ARID3C: variants seen among roughly 807,000 people sequenced by gnomAD.
The protein encoded by ARID3C is AT-rich interactive domain-containing protein 3C.
A neutral mutation model predicts 37.9 loss-of-function variants in ARID3C; 42 were observed. That is an observed-to-expected ratio of 1.11 (90% confidence interval 0.87 to 1.43). ARID3C has a LOEUF of 1.43. ARID3C is among the 40% of genes most tolerant of loss of function. The pLI is 0.00. For synonymous variants in ARID3C, 213 were observed against 228.0 expected, an observed-to-expected ratio of 0.93 and a Z score of 0.59; for missense variants, 581 against 548.8, an observed-to-expected ratio of 1.06 and a Z score of -0.59.
chr9:34,627,685 C>A lies in ARID3C; in HGVS notation c.318+12G>T. ...AGGGAAGAGGGCCGGACATTGAGGG[C>A]ATAGGTCCTACCTGCTTGAATTGTT... On this transcript the variant is annotated intron_variant, in intron 1 of 6. Transcript: ENST00000378909. 1 of 1,588,254 alleles carries A rather than the reference C, an allele frequency of 6.3e-7. No homozygotes were observed. The highest frequency in any genetic ancestry group is 8.6e-7 in the Non-Finnish European group (1 of 1,165,986).
exon 3 of ARID3C, chr9:34,623,908 G>A: frequency 6.2e-7 from 1 of 1,601,560 alleles, no homozygotes. Flanking sequence ...TGGTGGGTAG[G>A]CTGAGGCCGC....
At position 34,623,415 on chromosome 9, in the gene ARID3C, C is replaced by T; in HGVS notation, c.865+10G>A. 6.7e-7 allele frequency: 1 copy of T among 1,493,280 alleles called. No homozygotes were observed. The highest frequency in any genetic ancestry group is 8.9e-7 in the Non-Finnish European group (1 of 1,122,752). The allele number at this position is 1,493,280 out of a possible 1,614,324, so 92.5% of individuals were successfully genotyped here. On this transcript the variant is annotated intron_variant, in intron 4 of 6. Coordinates refer to ENST00000378909, the Ensembl canonical transcript of ARID3C. ...GAGACCCCGAAACCTCTACCATTCT[C>T]CCCTCGCACCTTTCTTAATAGGGCT...
chr9:34,621,146 C>T (rs1239854406), downstream of ARID3C, among the ~76,000 whole-genome samples: 1 of 152,154 alleles, frequency 6.6e-6, no homozygotes, highest in Admixed American at 6.5e-5. Context: ...TGAAGAGAAG[C>T]AGGGCTGACT....
At chr9:34,628,977 TC>T (rs577787601), upstream of ARID3C, among the ~76,000 whole-genome samples, 126 of 152,038 alleles carry the variant, frequency 8.3e-4, no homozygotes, top group African/African-American at 2.9e-3. The surrounding 1 kb of genome is among the most constrained non-coding windows in gnomAD (Gnocchi z 5.2). Context: ...TCCGCCCGCC[TC>T]CCAGGCGGCC....
upstream of ARID3C, chr9:34,628,099 G>A: frequency 1.4e-5 from 20 of 1,431,698 alleles, no homozygotes; most frequent in Non-Finnish European, 1.8e-5. This position sits in a 1 kb window ranked among gnomAD's most constrained non-coding sequence, Gnocchi z 5.2. Flanking sequence ...GTGGGGGAGG[G>A]AATTATGGGT....
intron 2 of ARID3C, among the ~76,000 whole-genome samples, chr9:34,624,869 T>TCACAC (rs1176905546): frequency 6.6e-6 from 1 of 152,080 alleles, no homozygotes; most frequent in African/African-American, 2.4e-5. Context: ...TGGGATCGGT[T>TCACAC]CACACCCGCT....
chr9:34,627,608 G>C lies in ARID3C; in HGVS notation c.318+89C>G, dbSNP rs535198716. ...CTTTTCATCTTGCAGAGGGTGGTGGGGGTGGGTGGGCTGCTAATCACCTGG... is the reference window on the plus strand; with the variant it reads ...CTTTTCATCTTGCAGAGGGTGGTGGCGGTGGGTGGGCTGCTAATCACCTGG... On this transcript the variant is annotated intron_variant, in intron 1 of 6. Coordinates refer to ENST00000378909, the Ensembl canonical transcript of ARID3C. The C allele has an allele frequency of 1.1e-4, 126 of 1,199,862 alleles. No homozygotes were observed. In the Admixed American group the frequency reaches 1.4e-3, roughly 13 times the overall value. The allele number at this position is 1,199,862 out of a possible 1,614,324, so 74.3% of individuals were successfully genotyped here.
upstream of ARID3C, chr9:34,628,128 C>A (rs1057207269): frequency 2.2e-6 from 3 of 1,362,626 alleles, no homozygotes; most frequent in Admixed American, 5.8e-5. This position sits in a 1 kb window ranked among gnomAD's most constrained non-coding sequence, Gnocchi z 5.2. Context: ...CTACTGCCCC[C>A]AGAGCCCCCC....
At chr9:34,626,144 T>C (rs1406783186) in intron 1 of ARID3C, among the ~76,000 whole-genome samples, 1 of 152,168 alleles carries the variant, frequency 6.6e-6, no homozygotes, top group African/African-American at 2.4e-5. Context: ...ATGGGAAATT[T>C]AGAGCCCCAG....
intron 4 of ARID3C, 100 bp from the exon 6 acceptor site, chr9:34,622,629 T>C: frequency 1.7e-6 from 2 of 1,200,108 alleles, no homozygotes; most frequent in Non-Finnish European, 2.3e-6. Context: ...CAAGCTCATG[T>C]ACCAATCTCT....
At chr9:34,627,359 C>T (rs542097188) in intron 1 of ARID3C, among the ~76,000 whole-genome samples, 1 of 152,268 alleles carries the variant, frequency 6.6e-6, no homozygotes, top group African/African-American at 2.4e-5. Flanking sequence ...TTCCCTACAC[C>T]TGGCTGGGCA....
chr9:34,629,787 C>T (rs565564503), upstream of ARID3C, among the ~76,000 whole-genome samples: 5 of 152,062 alleles, frequency 3.3e-5, no homozygotes, highest in African/African-American at 9.6e-5. Flanking sequence ...GACAGAGTCT[C>T]TGTCACCCAG....
At chr9:34,627,866 G>T (rs765824707) in exon 1 of ARID3C, 1 of 1,585,842 alleles carries the variant, frequency 6.3e-7, no homozygotes, top group South Asian at 1.1e-5. Context: ...CTCTTCCTCA[G>T]CCCCAACATT....
At chr9:34,628,119 T>G, upstream of ARID3C, 5 of 1,391,740 alleles carry the variant, frequency 3.6e-6, no homozygotes, top group Non-Finnish European at 4.7e-6. The surrounding 1 kb of genome is among the most constrained non-coding windows in gnomAD (Gnocchi z 5.2). Context: ...TGCTGGGCCC[T>G]ACTGCCCCCA....
At chr9:34,631,372 C>A (rs1820721938), upstream of ARID3C, among the ~76,000 whole-genome samples, 1 of 152,188 alleles carries the variant, frequency 6.6e-6, no homozygotes, top group Admixed American at 6.5e-5. Context: ...ATATGCTTGA[C>A]TGGGACTTGG....
At chr9:34,622,077 C>T (rs1164492821) in exon 6 of ARID3C, 1 of 1,614,034 alleles carries the variant, frequency 6.2e-7, no homozygotes, top group Non-Finnish European at 8.5e-7. Flanking sequence ...ATGCCACTGC[C>T]TGCCAGATTA....
chr9:34,627,196 T>C lies in ARID3C; in HGVS notation c.318+501A>G, dbSNP rs149052939. Among the ~76,000 whole-genome samples, 573 of 152,314 alleles carry C rather than the reference T, an allele frequency of 3.8e-3. 2 individuals carry two copies. The highest frequency in any genetic ancestry group is 6.8e-3 in the Non-Finnish European group (461 of 68,014). ...GAAAGAAAGGAAAGGTGTATCAGCCTGCCAAGTGAGTGATAACCTCCATTC... is the reference window on the plus strand; with the variant it reads ...GAAAGAAAGGAAAGGTGTATCAGCCCGCCAAGTGAGTGATAACCTCCATTC... On this transcript the variant is annotated intron_variant, in intron 1 of 6. Transcript: ENST00000378909.
exon 5 of ARID3C, chr9:34,622,499 G>A: frequency 6.2e-7 from 1 of 1,610,640 alleles, no homozygotes; most frequent in Non-Finnish European, 8.5e-7. Context: ...CACAGGCAGT[G>A]CCAGACAAGG....
At chr9:34,625,895 C>T in intron 1 of ARID3C, 81 bp from the exon 3 acceptor site, 2 of 1,479,652 alleles carry the variant, frequency 1.4e-6, no homozygotes, top group Admixed American at 3.5e-5. Context: ...GTACCCTGAA[C>T]AAGGGTCCCT....
Sources: allele counts gnomAD v4.1 joint callset (sites outside exome capture counted in the v4.1 genomes callset), GRCh38; gene constraint gnomAD v4.1.1; non-coding constraint Gnocchi (gnomAD v3.1); transcripts MANE v1.5; gene names NCBI Gene and HGNC (gene_info 2026-07-23, HGNC 2026-07-21).